CLCNKB: variants seen among roughly 807,000 people sequenced by gnomAD.
CLCNKB encodes chloride voltage-gated channel Kb, also known as chloride channel protein ClC-Kb.
CLCNKB carries 74 observed loss-of-function variants against 83.8 expected under a neutral mutation model. The observed-to-expected ratio is 0.88, with a 90% CI of 0.73 to 1.07. The LOEUF is 1.07. Ranked by LOEUF, CLCNKB falls within the 50% of genes least tolerant of loss-of-function variation. The pLI, the probability that CLCNKB is intolerant of heterozygous loss-of-function variation, is 0.00. For missense variants in CLCNKB, 798 were observed against 893.6 expected (o/e 0.89, Z 1.36); for synonymous variants, 358 against 356.6 (o/e 1.00, Z -0.04).
intron 10 of CLCNKB, 28 bp from the exon 11 acceptor site, chr1:16,050,488 A>G (rs1206442838): frequency 6.2e-7 from 1 of 1,610,996 alleles, no homozygotes; most frequent in East Asian, 2.2e-5. Context: ...AGGGAGGGCC[A>G]GCCCTAGAGC....
Position 16,053,765 on chromosome 1 carries a change from G to A in CLCNKB, c.1749G>A (p.Glu583=). 6.2e-7 allele frequency: 1 copy of A among 1,613,848 alleles called. No homozygotes were observed. The highest frequency in any genetic ancestry group is 8.5e-7 in the Non-Finnish European group (1 of 1,179,972). Residue 583 remains glutamate, a synonymous_variant, in exon 16 of 20, where the codon GAG becomes GAA. Transcript: ENST00000375679. ...STDVAKYPLV[E]STESQILVGI... is the part of the protein sequence containing the mutation. ...ACGTGGCCAAGTATCCCCTGGTGGA[G>A]AGCACAGGTGCCCAGCCGGAAGGGA... is the stretch of plus-strand genomic sequence containing the variant.
rs2023368021 is a variant in CLCNKB, at chr1:16,053,840, C to T, written c.1756+68C>T. On this transcript the variant is annotated intron_variant, in intron 16 of 19. Coordinates refer to ENST00000375679, the MANE Select transcript of CLCNKB (RefSeq NM_000085.5). ...CCCTCTGCCTCCTTCTTGAACCTGTCAGGCAGACAGGATCTGCATCCAGGC... is the reference window on the plus strand; with the variant it reads ...CCCTCTGCCTCCTTCTTGAACCTGTTAGGCAGACAGGATCTGCATCCAGGC... 1.9e-6 allele frequency: 3 copies of T among 1,595,880 alleles called. No homozygotes were observed. In the East Asian group the frequency reaches 6.8e-5, roughly 36 times the overall value.
Position 16,049,609 on chromosome 1 carries a change from C to A in CLCNKB, c.782-9C>A, listed in dbSNP as rs374366828. ...GCCATCTTGGCTCCCCACTGCCCTC[C>A]TTCCCCAGAGACCATCACCTCCCTC... On this transcript the variant is annotated splice_polypyrimidine_tract_variant and intron_variant, in intron 8 of 19. Transcript: ENST00000375679. 1.3e-6 allele frequency: 2 copies of A among 1,595,146 alleles called. No individual in the cohort carries two copies. Among genetic ancestry groups the A allele is most frequent in the African/African-American group, 2.7e-5 (2 of 74,442 alleles).
intron 4 of CLCNKB, among the ~76,000 whole-genome samples, chr1:16,046,993 C>T (rs1349377582): frequency 6.6e-6 from 1 of 152,162 alleles, no homozygotes; most frequent in Admixed American, 6.5e-5. Context: ...TCCAGGCCAG[C>T]AGAGGGGAGC....
chr1:16,051,992 A>G (rs566019079), intron 14 of CLCNKB, among the ~76,000 whole-genome samples, 172 bp downstream of exon 14: 102 of 148,170 alleles, frequency 6.9e-4, no homozygotes, highest in African/African-American at 2.5e-3. Flanking sequence ...GGGGCCCATC[A>G]CTCCCTCGTG....
rs1286125154 is a variant in CLCNKB, at chr1:16,047,914, T to C, written c.368T>C (p.Ile123Thr). 1 of 1,613,566 alleles carries C rather than the reference T, an allele frequency of 6.2e-7. No homozygotes were observed. The highest frequency in any genetic ancestry group is 8.5e-7 in the Non-Finnish European group (1 of 1,180,018). ...GCCCACCCCCGCCAAGGTTCTGGAA[T>C]CCCGGAGGTGAAGACCATGTTGGCG... ...SITPSSGGSG[I>T]PEVKTMLAGV... The change falls in exon 5 of 20, where the codon ATC becomes ACC. Residue 123 changes from isoleucine to threonine, a missense_variant. Ile to Thr is a moderately conservative substitution (Grantham distance 89). Coordinates refer to ENST00000375679, the MANE Select transcript of CLCNKB (RefSeq NM_000085.5).
chr1:16,050,477 A>C, intron 10 of CLCNKB, 39 bp from the exon 11 acceptor site: 3 of 1,601,192 alleles, frequency 1.9e-6, no homozygotes, highest in Non-Finnish European at 2.6e-6. Flanking sequence ...GGATGTGGGA[A>C]AGGGAGGGCC....
At chr1:16,045,735 C>G (rs556015137) in intron 3 of CLCNKB, 49 bp downstream of exon 3, 8 of 1,544,282 alleles carry the variant, frequency 5.2e-6, no homozygotes, top group Admixed American at 1.7e-5. Context: ...ATTCTGAGCT[C>G]TCTCTGGGGA....
At position 16,051,681 on chromosome 1, in the gene CLCNKB, G is replaced by T. The variant is rs745903290; in HGVS notation, c.1298-29G>T. On this transcript the variant is annotated intron_variant, in intron 13 of 19. Coordinates refer to ENST00000375679, the MANE Select transcript of CLCNKB (RefSeq NM_000085.5). Reference sequence around the variant, plus strand: ...GGGCTGTGGGGGCCGGGTCAGCCTGGCTCCCCCTCACCCTAAGTCTGTGGC... The same window carrying T: ...GGGCTGTGGGGGCCGGGTCAGCCTGTCTCCCCCTCACCCTAAGTCTGTGGC... 19 of 1,609,136 alleles carry T rather than the reference G, an allele frequency of 1.2e-5. No individual in the cohort carries two copies. In the South Asian group the frequency reaches 2.0e-4, roughly 17 times the overall value.
At chr1:16,057,325 C>T (rs1213091650), downstream of CLCNKB, 2 of 506,268 alleles carry the variant, frequency 4.0e-6, no homozygotes, top group African/African-American at 3.8e-5. Flanking sequence ...GTCCATCCCT[C>T]ATCTCAGCTG....
chr1:16,052,479 C>T, intron 15 of CLCNKB, 68 bp downstream of exon 15: 1 of 1,603,226 alleles, frequency 6.2e-7, no homozygotes, highest in East Asian at 2.2e-5. Context: ...GGGTGAAGGG[C>T]ACCTCGAAAA....
chr1:16,048,806 G>A (rs1226033186), intron 7 of CLCNKB: 6 of 1,445,206 alleles, frequency 4.2e-6, no homozygotes, highest in Non-Finnish European at 5.4e-6. Flanking sequence ...TACAGACTTG[G>A]GTTTGAAATC....
chr1:16,044,454 A>T (rs1442125598), intron 1 of CLCNKB, 32 bp from the exon 2 acceptor site: 2 of 1,547,876 alleles, frequency 1.3e-6, no homozygotes, highest in South Asian at 2.4e-5. Context: ...GCAGCAGCTC[A>T]CCGCGGTCCC....
At chr1:16,047,646 A>G (rs1183343071) in intron 4 of CLCNKB, among the ~76,000 whole-genome samples, 2 of 151,814 alleles carry the variant, frequency 1.3e-5, no homozygotes, top group Non-Finnish European at 2.9e-5. Context: ...GTCTCCACCT[A>G]TAGTCCCAGC....
intron 15 of CLCNKB, 106 bp from the exon 16 acceptor site, chr1:16,053,533 A>G: frequency 6.5e-7 from 1 of 1,539,052 alleles, no homozygotes; most frequent in Non-Finnish European, 8.9e-7. Flanking sequence ...CCCACACTCC[A>G]GAGCCGTGGG....
chr1:16,056,011 G>A (rs919251677), intron 18 of CLCNKB, among the ~76,000 whole-genome samples: 4 of 152,224 alleles, frequency 2.6e-5, no homozygotes, highest in African/African-American at 4.8e-5. Flanking sequence ...GTAAATCTCT[G>A]GGTGGAGAAA....
At chr1:16,044,306 C>T (rs562434382) in intron 1 of CLCNKB, among the ~76,000 whole-genome samples, 180 bp from the exon 2 acceptor site, 17 of 151,776 alleles carry the variant, frequency 1.1e-4, no homozygotes, top group Admixed American at 2.0e-4. Context: ...CCCTCAGTGA[C>T]GGAAACTCAG....
rs144542694 is a variant in CLCNKB at position 16,051,396 on chromosome 1, C to T, written c.1228-82C>T. 1.1e-3 allele frequency: 1,702 copies of T among 1,516,820 alleles called. 25 individuals carry two copies. In the African/African-American group the frequency reaches 0.02, roughly 18 times the overall value. 94.0% of individuals were successfully genotyped at this position (1,516,820 alleles called of 1,614,324 possible). ...CACCCTCTTTCTCTCTAGGACACTC[C>T]CCTGTCCCATGTCCTGTCCTCCCTT... is the stretch of plus-strand genomic sequence containing the variant. On this transcript the variant is annotated intron_variant, in intron 12 of 19. Transcript: ENST00000375679.
At position 16,052,357 on chromosome 1, in the gene CLCNKB, C is replaced by T. The variant is rs753453987; in HGVS notation, c.1568C>T (p.Thr523Ile). 8.7e-6 allele frequency: 14 copies of T among 1,613,114 alleles called. No homozygotes were observed. The East Asian group carries it at 2.0e-4, about 23-fold the overall frequency. ...TGCCAGCCCTCCTTCTATGATGGCA[C>T]CGTCATTGTCAAGAAGCTGCCATAC... ...QSCQPSFYDG[T>I]VIVKKLPYLP... Residue 523 changes from threonine to isoleucine, a missense_variant, in exon 15 of 20, where the codon ACC (threonine) becomes ATC (isoleucine). Thr to Ile is a moderately conservative substitution (Grantham distance 89). Transcript: ENST00000375679.
Sources: allele counts gnomAD v4.1 joint callset (sites outside exome capture counted in the v4.1 genomes callset), GRCh38; gene constraint gnomAD v4.1.1; transcripts MANE v1.5; gene names NCBI Gene and HGNC (gene_info 2026-07-23, HGNC 2026-07-21).